The following DOCK3 variants were observed in gnomAD, a reference collection of about 807,000 sequenced individuals.
The protein encoded by DOCK3 is dedicator of cytokinesis 3.
DOCK3 carries 60 observed loss-of-function variants against 265.6 expected under a neutral mutation model. The ratio of observed to expected loss-of-function variants is 0.23; its 90% CI spans 0.18 to 0.28. The LOEUF is 0.28. Among genes scored for constraint, DOCK3 ranks in the 10% least tolerant of loss-of-function variants. DOCK3 has a pLI of 1.00. For synonymous variants in DOCK3, 881 were observed against 938.0 expected, an observed-to-expected ratio of 0.94 and a Z score of 1.11; for missense variants, 1,981 against 2,594.3, an observed-to-expected ratio of 0.76 and a Z score of 5.14.
chr3:50,739,932 A>G (rs552919833), intron 1 of DOCK3, among the ~76,000 whole-genome samples: 2 of 152,258 alleles, frequency 1.3e-5, no homozygotes, highest in South Asian at 4.1e-4. Flanking sequence ...TGACATACGT[A>G]TTCATCTGTG....
chr3:51,155,517 T>C (rs1373651423), intron 10 of DOCK3, among the ~76,000 whole-genome samples: 2 of 152,308 alleles, frequency 1.3e-5, no homozygotes, highest in East Asian at 3.9e-4. Flanking sequence ...CAAGAAAATG[T>C]AGCCACAACT....
At chr3:51,116,045 C>A (rs1576131797) in intron 9 of DOCK3, among the ~76,000 whole-genome samples, 1 of 152,040 alleles carries the variant, frequency 6.6e-6, no homozygotes, top group Non-Finnish European at 1.5e-5. Context: ...TGGTTACTGT[C>A]ACCTTGTAGT....
At chr3:50,746,687 C>T (rs2039467555) in intron 1 of DOCK3, among the ~76,000 whole-genome samples, 3 of 152,068 alleles carry the variant, frequency 2.0e-5, no homozygotes, top group Admixed American at 6.6e-5. Context: ...GTGAGGGCCT[C>T]AGGAAGCTTA....
chr3:51,339,091 T>C (rs920827683), intron 37 of DOCK3, 63 bp downstream of exon 37: 4 of 1,378,828 alleles, frequency 2.9e-6, no homozygotes, highest in Middle Eastern at 3.7e-4. Flanking sequence ...ATTTGTACAA[T>C]AGGCAGAGAA....
At chr3:51,302,935 C>T (rs937479418) in intron 27 of DOCK3, among the ~76,000 whole-genome samples, 3 of 152,006 alleles carry the variant, frequency 2.0e-5, no homozygotes, top group Non-Finnish European at 4.4e-5. Flanking sequence ...TACTGGGGTT[C>T]TCTGGATTTC....
At chr3:51,305,716 C>CTG (rs574341888) in intron 27 of DOCK3, among the ~76,000 whole-genome samples, 12 of 66,982 alleles carry the variant, frequency 1.8e-4, no homozygotes, top group South Asian at 1.3e-3. Flanking sequence ...GTGTGTGTGT[C>CTG]TGTGTGTGTG....
At chr3:51,375,332 C>G (rs1406036901) in intron 50 of DOCK3, among the ~76,000 whole-genome samples, 1 of 152,222 alleles carries the variant, frequency 6.6e-6, no homozygotes, top group South Asian at 2.1e-4. Context: ...TGATACTGTC[C>G]TTTCCTCTGC....
intron 51 of DOCK3, among the ~76,000 whole-genome samples, chr3:51,378,037 G>A (rs1378927540): frequency 6.6e-6 from 1 of 152,204 alleles, no homozygotes; most frequent in Admixed American, 6.5e-5. Flanking sequence ...ATCTTGTAGG[G>A]AGCATGGGTG....
At chr3:50,859,467 C>T (rs774885035) in intron 3 of DOCK3, among the ~76,000 whole-genome samples, 24 of 152,076 alleles carry the variant, frequency 1.6e-4, no homozygotes, top group Non-Finnish European at 2.6e-4. Context: ...CCACCCCCCT[C>T]GGCCTCCCAA....
chr3:50,859,107 C>G (rs1478424799), intron 3 of DOCK3, among the ~76,000 whole-genome samples: 1 of 150,734 alleles, frequency 6.6e-6, no homozygotes, highest in African/African-American at 2.4e-5. Flanking sequence ...CCTCCTGACT[C>G]TCGATTATTT....
At chr3:51,039,476 T>C (rs891748803) in intron 5 of DOCK3, among the ~76,000 whole-genome samples, 1 of 152,120 alleles carries the variant, frequency 6.6e-6, no homozygotes, top group African/African-American at 2.4e-5. Context: ...ACCAAATCAC[T>C]CTCCAAATTA....
intron 27 of DOCK3, among the ~76,000 whole-genome samples, chr3:51,309,618 G>GGAGAGCGAGAGC (rs71084141): frequency 2.9e-4 from 44 of 150,764 alleles, no homozygotes; most frequent in Admixed American, 1.6e-3. Flanking sequence ...AGAGGGAGAG[G>GGAGAGCGAGAGC]GAGAGCGAGA....
intron 5 of DOCK3, among the ~76,000 whole-genome samples, chr3:51,008,221 G>A (rs1276709051): frequency 6.6e-6 from 1 of 152,136 alleles, no homozygotes; most frequent in East Asian, 1.9e-4. Context: ...GGGCAGTATG[G>A]CCATTTTCAC....
chr3:50,879,689 T>G (rs1033318300), intron 3 of DOCK3, among the ~76,000 whole-genome samples: 3 of 152,168 alleles, frequency 2.0e-5, no homozygotes, highest in Non-Finnish European at 4.4e-5. Flanking sequence ...TGGGAGACTT[T>G]TAACACCCCA....
chr3:51,330,401 G>T (rs576825650), intron 33 of DOCK3, among the ~76,000 whole-genome samples, 178 bp downstream of exon 33: 7 of 152,098 alleles, frequency 4.6e-5, no homozygotes, highest in Non-Finnish European at 1.5e-5. Context: ...GGTCTTTCAG[G>T]GATTCCCATA....
At chr3:50,929,981 T>C (rs1364486952) in intron 4 of DOCK3, among the ~76,000 whole-genome samples, 1 of 152,234 alleles carries the variant, frequency 6.6e-6, no homozygotes, top group Non-Finnish European at 1.5e-5. Context: ...CCCAGATTCA[T>C]AGTGGAATTA....
At chr3:50,787,450 G>A (rs1470723746) in intron 2 of DOCK3, 20 of 424,476 alleles carry the variant, frequency 4.7e-5, no homozygotes, top group Admixed American at 1.1e-4. Flanking sequence ...CAGGAGAATC[G>A]CTTGAACCCG....
Position 51,384,155 on chromosome 3 carries a change from C to A in DOCK3, c.*2596C>A, listed in dbSNP as rs530619977. On this transcript the variant is annotated 3_prime_UTR_variant, in exon 53 of 53. Transcript: ENST00000266037. ...TTTTTTTTCCCCCTTTCCCCACTTC[C>A]TTGACTGCTGTGATGTGAATTAAAG... 2 of 152,684 alleles carry A rather than the reference C, an allele frequency of 1.3e-5. No homozygotes were observed. Among genetic ancestry groups the A allele is most frequent in the African/African-American group, 4.8e-5 (2 of 41,544 alleles). The allele number at this position is 152,684 out of a possible 1,614,324, so 9.5% of individuals were successfully genotyped here.
chr3:50,973,051 T>TTTTC (rs2077294310), intron 5 of DOCK3, among the ~76,000 whole-genome samples: 1 of 141,286 alleles, frequency 7.1e-6, no homozygotes, highest in Non-Finnish European at 1.5e-5. Context: ...GTGTGTTTCT[T>TTTTC]TTTTTTTTTT....
Sources: allele counts gnomAD v4.1 joint callset (sites outside exome capture counted in the v4.1 genomes callset), GRCh38; gene constraint gnomAD v4.1.1; transcripts MANE v1.5; gene names NCBI Gene and HGNC (gene_info 2026-07-23, HGNC 2026-07-21).